CADM2: variants seen among roughly 807,000 people sequenced by gnomAD.
The protein encoded by CADM2 is cell adhesion molecule 2, also known as immunoglobulin superfamily member 4D.
CADM2 carries 12 observed loss-of-function variants against 49.8 expected under a neutral mutation model. The observed-to-expected ratio is 0.24, with a 90% confidence interval of 0.15 to 0.39. The LOEUF is 0.39. CADM2 is among the 10% of genes least tolerant of loss of function. The pLI is 1.00. For synonymous variants in CADM2, 214 were observed against 175.4 expected, an observed-to-expected ratio of 1.22 and a Z score of -1.74; for missense variants, 378 against 492.3, an observed-to-expected ratio of 0.77 and a Z score of 2.20.
chr3:86,003,646 A>G (rs1364753855), intron 8 of CADM2, among the ~76,000 whole-genome samples: 1 of 152,184 alleles, frequency 6.6e-6, no homozygotes, highest in Non-Finnish European at 1.5e-5. Flanking sequence ...AAATATATCC[A>G]CTGTCTGCAT....
intron 8 of CADM2, chr3:85,993,791 T>C (rs1049411647): frequency 1.3e-4 from 20 of 152,114 alleles, no homozygotes; most frequent in African/African-American, 3.9e-4. Context: ...AGGAATCTTT[T>C]TTTTTTTCTT....
intron 1 of CADM2, among the ~76,000 whole-genome samples, chr3:85,313,329 A>C (rs2044390881): frequency 6.6e-6 from 1 of 152,204 alleles, no homozygotes; most frequent in Admixed American, 6.5e-5. Context: ...ATCCCAATAA[A>C]TCTCTTTTTG....
intron 8 of CADM2, among the ~76,000 whole-genome samples, chr3:86,011,080 C>T (rs1414921183): frequency 1.3e-5 from 2 of 151,816 alleles, no homozygotes; most frequent in Non-Finnish European, 2.9e-5. Context: ...AAACTGATTC[C>T]AGGCATGGAG....
intron 1 of CADM2, among the ~76,000 whole-genome samples, chr3:85,720,262 G>T (rs1218958995): frequency 2.6e-5 from 4 of 152,080 alleles, no homozygotes; most frequent in African/African-American, 9.7e-5. Context: ...GAGACATAGT[G>T]CTATCCAGTT....
At chr3:85,971,909 A>G (rs961667806) in intron 8 of CADM2, among the ~76,000 whole-genome samples, 49 of 151,804 alleles carry the variant, frequency 3.2e-4, no homozygotes, top group African/African-American at 1.2e-3. Flanking sequence ...TTTTAAGAAC[A>G]GCTTTTTTTT....
At chr3:85,473,245 ATAACGAAGGAGG>A (rs1472328909) in intron 1 of CADM2, among the ~76,000 whole-genome samples, 1 of 152,084 alleles carries the variant, frequency 6.6e-6, no homozygotes, top group Non-Finnish European at 1.5e-5. Context: ...ACAGTGAGAG[ATAACGAAGGAGG>A]TAACAATCAT....
At chr3:85,775,208 G>A (rs908645024) in intron 2 of CADM2, among the ~76,000 whole-genome samples, 1 of 151,696 alleles carries the variant, frequency 6.6e-6, no homozygotes, top group Non-Finnish European at 1.5e-5. Flanking sequence ...TCTAATGCAA[G>A]TTAAAACCCA....
At chr3:85,417,126 TA>T (rs1204808088) in intron 1 of CADM2, among the ~76,000 whole-genome samples, 1 of 152,088 alleles carries the variant, frequency 6.6e-6, no homozygotes, top group African/African-American at 2.4e-5. Flanking sequence ...CAGTAAGGAT[TA>T]AAAAAAGGTA....
intron 7 of CADM2, among the ~76,000 whole-genome samples, chr3:85,938,935 A>T (rs1721496384): frequency 1.3e-5 from 2 of 151,952 alleles, no homozygotes. Context: ...TCAAAACTTC[A>T]TTGTTTCTTA....
At chr3:85,746,349 T>A (rs544033469) in intron 2 of CADM2, among the ~76,000 whole-genome samples, 1 of 152,296 alleles carries the variant, frequency 6.6e-6, no homozygotes, top group Non-Finnish European at 1.5e-5. Context: ...GGATGTATAT[T>A]TGGAAAAGCC....
intron 2 of CADM2, among the ~76,000 whole-genome samples, chr3:85,783,706 G>C (rs1456003751): frequency 1.3e-5 from 2 of 152,124 alleles, no homozygotes; most frequent in East Asian, 3.8e-4. Context: ...TATGAGTTTG[G>C]TACTGATGAA....
intron 1 of CADM2, among the ~76,000 whole-genome samples, chr3:85,195,526 C>A (rs2041322319): frequency 7.1e-6 from 1 of 141,588 alleles, no homozygotes; most frequent in Non-Finnish European, 1.5e-5. Context: ...TATGTGTAAA[C>A]CATGAAAACC....
chr3:85,730,440 T>TAAATA (rs57097045), intron 2 of CADM2, among the ~76,000 whole-genome samples: 1,772 of 146,084 alleles, frequency 0.012, 21 homozygotes, highest in African/African-American at 0.027. Context: ...AGACTCTGTC[T>TAAATA]AAATAAAATA....
chr3:85,926,646 A>G (rs1376762686), intron 6 of CADM2, among the ~76,000 whole-genome samples: 1 of 152,078 alleles, frequency 6.6e-6, no homozygotes, highest in Non-Finnish European at 1.5e-5. Flanking sequence ...CAAATTTGCT[A>G]TCGGGAGGTT....
At chr3:85,564,479 A>G (rs76312514) in intron 1 of CADM2, among the ~76,000 whole-genome samples, 2,877 of 152,180 alleles carry the variant, frequency 0.019, 135 homozygotes, top group South Asian at 0.1. Flanking sequence ...ATACTTCACA[A>G]TTCTTTTACT....
chr3:85,020,608 CTTTA>C (rs926061728), intron 1 of CADM2, among the ~76,000 whole-genome samples: 1 of 152,050 alleles, frequency 6.6e-6, no homozygotes, highest in African/African-American at 2.4e-5. Context: ...GCAAAACATC[CTTTA>C]TTTAACATTT....
intron 1 of CADM2, among the ~76,000 whole-genome samples, chr3:85,526,076 G>A (rs895065650): frequency 6.6e-6 from 1 of 151,954 alleles, no homozygotes; most frequent in Middle Eastern, 3.2e-3. Flanking sequence ...TAGCCACCTC[G>A]TGAGTCAGCC....
chr3:85,035,364 C>T (rs968429529), intron 1 of CADM2, among the ~76,000 whole-genome samples: 2 of 152,074 alleles, frequency 1.3e-5, no homozygotes, highest in East Asian at 1.9e-4. Flanking sequence ...TCTCCCATTC[C>T]GCTGGCTGTC....
At chr3:85,693,723 CAAAAA>C (rs397807084) in intron 1 of CADM2, among the ~76,000 whole-genome samples, 1,288 of 66,558 alleles carry the variant, frequency 0.019, 38 homozygotes, top group African/African-American at 0.078. Context: ...ACGTATCTAC[CAAAAA>C]AAAAAAAAAA....
Sources: gnomAD v4.1 joint callset for allele counts (sites outside exome capture counted in the v4.1 genomes callset) on GRCh38, gnomAD v4.1.1 for gene constraint, MANE v1.5 for transcripts, NCBI Gene and HGNC (gene_info 2026-07-23, HGNC 2026-07-21) for gene names.